Variants in XPO4 observed in about 807,000 individuals in gnomAD.
XPO4 encodes the protein exportin-4.
A neutral mutation model predicts 143.0 loss-of-function variants in XPO4; 39 were observed. The ratio of observed to expected loss-of-function variants is 0.27; its 90% CI spans 0.21 to 0.36. The LOEUF is 0.36. Ranked by LOEUF, XPO4 falls within the 10% of genes least tolerant of loss-of-function variation. XPO4 has a pLI of 1.00. For synonymous variants in XPO4, 439 were observed against 474.0 expected, an observed-to-expected ratio of 0.93 and a Z score of 0.96; for missense variants, 907 against 1,348.0, an observed-to-expected ratio of 0.67 and a Z score of 5.12.
intron 1 of XPO4, among the ~76,000 whole-genome samples, chr13:20,886,321 G>A (rs570702746): frequency 6.6e-6 from 1 of 152,142 alleles, no homozygotes; most frequent in East Asian, 1.9e-4. Flanking sequence ...ATCAGAAAAT[G>A]TATAAGCCAG....
At chr13:20,823,376 C>T (rs899382819) in intron 7 of XPO4, among the ~76,000 whole-genome samples, 3 of 152,154 alleles carry the variant, frequency 2.0e-5, no homozygotes, top group African/African-American at 7.2e-5. Context: ...TCCCTTAATC[C>T]TTAATCTCTG....
At chr13:20,849,042 G>A (rs988365788) in intron 4 of XPO4, 1 of 985,302 alleles carries the variant, frequency 1.0e-6, no homozygotes, top group African/African-American at 1.7e-5. Context: ...ATGCCCTTCA[G>A]AGATAGCTTG....
chr13:20,845,086 C>T (rs9509396), intron 4 of XPO4, among the ~76,000 whole-genome samples: 55,310 of 152,166 alleles, frequency 0.36, 11,480 homozygotes, highest in Non-Finnish European at 0.48. Context: ...GGCAGGAGAA[C>T]GCTTGAACCT....
intron 1 of XPO4, among the ~76,000 whole-genome samples, chr13:20,870,685 G>A (rs375265363): frequency 3.3e-5 from 5 of 150,790 alleles, no homozygotes; most frequent in African/African-American, 7.3e-5. Context: ...AGTCAAGATC[G>A]CGCCACTGCA....
At chr13:20,804,602 G>A (rs2059480462) in intron 13 of XPO4, among the ~76,000 whole-genome samples, 1 of 152,164 alleles carries the variant, frequency 6.6e-6, no homozygotes, top group South Asian at 2.1e-4. Context: ...TGTATCCTCA[G>A]ATGCTGGCAC....
intron 3 of XPO4, chr13:20,856,444 T>A: frequency 1.4e-6 from 1 of 706,214 alleles, no homozygotes; most frequent in Non-Finnish European, 1.7e-6. Context: ...AGAAACTTAA[T>A]TGACTTTTCA....
At chr13:20,887,549 G>A (rs1048712930) in intron 1 of XPO4, among the ~76,000 whole-genome samples, 2 of 152,062 alleles carry the variant, frequency 1.3e-5, no homozygotes, top group Non-Finnish European at 2.9e-5. Flanking sequence ...ATGCAAAACA[G>A]AGTTAAGATT....
At chr13:20,850,368 G>A (rs994776806) in intron 4 of XPO4, 10 of 733,624 alleles carry the variant, frequency 1.4e-5, no homozygotes, top group Non-Finnish European at 1.7e-5. Flanking sequence ...GGCAATAAAT[G>A]GCAGAGCTGG....
intron 9 of XPO4, among the ~76,000 whole-genome samples, chr13:20,817,607 A>C (rs944921786): frequency 1.3e-5 from 2 of 152,226 alleles, no homozygotes; most frequent in African/African-American, 2.4e-5. Context: ...TTCCTGTAGC[A>C]ACATACTGCA....
chr13:20,874,225 G>A (rs1024424293), intron 1 of XPO4, among the ~76,000 whole-genome samples: 11 of 152,070 alleles, frequency 7.2e-5, no homozygotes, highest in African/African-American at 9.7e-5. Context: ...TAAAAAACAC[G>A]AAAATGTGAG....
chr13:20,879,674 C>T (rs1480040469), intron 1 of XPO4, among the ~76,000 whole-genome samples: 4 of 151,970 alleles, frequency 2.6e-5, no homozygotes, highest in African/African-American at 9.7e-5. Flanking sequence ...ATGTTAGAAA[C>T]AGAATATAAA....
intron 9 of XPO4, among the ~76,000 whole-genome samples, chr13:20,811,832 T>C (rs1323598945): frequency 2.0e-5 from 3 of 152,110 alleles, no homozygotes; most frequent in Non-Finnish European, 4.4e-5. Flanking sequence ...GACAGGGCAA[T>C]GTGAGATGAC....
At chr13:20,809,770 A>G (rs759107748) in intron 10 of XPO4, 21 bp downstream of exon 10, 1 of 1,584,534 alleles carries the variant, frequency 6.3e-7, no homozygotes, top group African/African-American at 1.4e-5. Flanking sequence ...ACTGTTAATT[A>G]CCATCTTGCT....
chr13:20,857,056 G>A, intron 3 of XPO4: 1 of 226,014 alleles, frequency 4.4e-6, no homozygotes, highest in Non-Finnish European at 7.4e-6. Flanking sequence ...CAAGACTGAA[G>A]TGAAAAAACA....
chr13:20,796,334 A>T, intron 17 of XPO4, 78 bp from the exon 18 acceptor site: 1 of 1,062,034 alleles, frequency 9.4e-7, no homozygotes, highest in East Asian at 2.8e-5. Flanking sequence ...AATCTATATA[A>T]ATTAACTCCG....
rs115929550 is a variant in XPO4 at position 20,849,056 on chromosome 13, T to A, written c.457-5170A>T. On this transcript the variant is annotated intron_variant, in intron 4 of 22. Transcript: ENST00000255305. ...AATGCCCTTCAGAGATAGCTTGCCT[T>A]ACTCACCAGCTTACTGTCACAAGCC... The A allele has an allele frequency of 3.1e-4, 308 of 985,422 alleles. 2 individuals are homozygous for A. In the African/African-American group the frequency reaches 4.7e-3, roughly 15 times the overall value. The allele number at this position is 985,422 out of a possible 1,614,324, so 61.0% of individuals were successfully genotyped here.
Position 20,788,610 on chromosome 13 carries a change from T to C in XPO4, c.2923A>G (p.Thr975Ala), listed in dbSNP as rs774438240. 12 of 1,589,562 alleles carry C rather than the reference T, an allele frequency of 7.5e-6. No individual in the cohort carries two copies. In the East Asian group the frequency reaches 1.6e-4, roughly 21 times the overall value. Residue 975 changes from threonine (T) to alanine (A), a missense_variant, in exon 20 of 23, where the codon ACC (threonine) becomes GCC (alanine). Thr to Ala is a moderately conservative substitution (Grantham distance 58, BLOSUM62 0). Transcript: ENST00000255305. ...LMSQDLLKFPTLCNQYYKLIT... is the reference protein window; with the variant it reads ...LMSQDLLKFPALCNQYYKLIT... Reference sequence around the variant, plus strand: ...AATTTGTAGTACTGATTACAAAGGGTTGGAAACTGAAAAAGAAATATTCAA... The same window carrying C: ...AATTTGTAGTACTGATTACAAAGGGCTGGAAACTGAAAAAGAAATATTCAA...
At chr13:20,895,659 G>A (rs1005454167) in intron 1 of XPO4, among the ~76,000 whole-genome samples, 3 of 151,554 alleles carry the variant, frequency 2.0e-5, no homozygotes, top group African/African-American at 4.9e-5. Context: ...TTTAGTATAA[G>A]CCTTCCATTT....
chr13:20,900,617 CTTTT>C (rs71090516), intron 1 of XPO4, among the ~76,000 whole-genome samples: 1 of 144,594 alleles, frequency 6.9e-6, no homozygotes, highest in African/African-American at 2.5e-5. Flanking sequence ...AAGTCATTTC[CTTTT>C]TTTTTTTTTG....
Sources: allele counts gnomAD v4.1 joint callset (sites outside exome capture counted in the v4.1 genomes callset), GRCh38; gene constraint gnomAD v4.1.1; transcripts MANE v1.5; gene names NCBI Gene and HGNC (gene_info 2026-07-23, HGNC 2026-07-21).